The following LCLAT1 variants were observed in gnomAD, a reference collection of about 807,000 sequenced individuals.
LCLAT1 encodes the protein 1-AGP acyltransferase 8.
A neutral mutation model predicts 30.7 loss-of-function variants in LCLAT1; 11 were observed. The ratio of observed to expected loss-of-function variants is 0.36; its 90% CI spans 0.23 to 0.59. The LOEUF (loss-of-function observed/expected upper bound fraction) is 0.59. Among genes scored for constraint, LCLAT1 ranks in the 20% least tolerant of loss-of-function variants. The probability of loss-of-function intolerance (pLI) is 0.77; values close to 1 mark genes in which losing one functional copy is unlikely to be tolerated. For missense variants in LCLAT1, 402 were observed against 458.6 expected (o/e 0.88, Z 1.13); for synonymous variants, 155 against 151.3 (o/e 1.02, Z -0.18).
Position 30,640,835 on chromosome 2 carries a change from G to C in LCLAT1, c.*216G>C. ...TTCGATACTGTGTACATAGCAGGGA[G>C]TGATCGGGGTGAAATAACTTGGGCC... On this transcript the variant is annotated 3_prime_UTR_variant, in exon 6 of 6. Coordinates refer to ENST00000379509, the MANE Select transcript of LCLAT1 (RefSeq NM_001002257.3). The C allele has an allele frequency of 2.0e-6, 1 of 499,538 alleles. No individual in the cohort carries two copies. Among genetic ancestry groups the C allele is most frequent in the Non-Finnish European group, 3.4e-6 (1 of 290,392 alleles). 30.9% of individuals were successfully genotyped at this position (499,538 alleles called of 1,614,324 possible). A position where few individuals can be genotyped will look rare whatever the true frequency, so the allele number is the denominator to read the frequency against.
chr2:30,576,118 G>A (rs1448923598), intron 5 of LCLAT1, among the ~76,000 whole-genome samples: 1 of 152,038 alleles, frequency 6.6e-6, no homozygotes, highest in African/African-American at 2.4e-5. Flanking sequence ...CTAAATATTG[G>A]TGCCCTGTAT....
chr2:30,547,680 C>T (rs1664487725), intron 3 of LCLAT1, among the ~76,000 whole-genome samples: 1 of 151,876 alleles, frequency 6.6e-6, no homozygotes, highest in Non-Finnish European at 1.5e-5. Flanking sequence ...CAGGCATTCC[C>T]TCAAAGAGGG....
Position 30,562,207 on chromosome 2 carries a change from C to G in LCLAT1, c.426C>G (p.Ser142Arg). ...ATAGGAAATGGAAGGATGACAAGAG[C>G]CATTTCGAAGACATGATTGATTACT... ...FIHRKWKDDK[S>R]HFEDMIDYFC... Residue 142 changes from serine to arginine, a missense_variant, in exon 4 of 6, where the codon AGC becomes AGG. Transcript: ENST00000379509. The G allele has an allele frequency of 6.2e-7, 1 of 1,613,056 alleles. No individual in the cohort carries two copies. Among genetic ancestry groups the G allele is most frequent in the South Asian group, 1.1e-5 (1 of 90,974 alleles).
intron 5 of LCLAT1, among the ~76,000 whole-genome samples, chr2:30,579,531 T>C (rs1666126448): frequency 6.6e-6 from 1 of 152,068 alleles, no homozygotes; most frequent in South Asian, 2.1e-4. Flanking sequence ...AGCATACAAG[T>C]GCAGAGTAGA....
At chr2:30,593,218 A>G (rs971869706) in intron 5 of LCLAT1, among the ~76,000 whole-genome samples, 6 of 152,192 alleles carry the variant, frequency 3.9e-5, no homozygotes, top group African/African-American at 1.4e-4. Flanking sequence ...AGTTCCATCT[A>G]TGTTGCTGCA....
At chr2:30,630,346 T>C (rs1668711364) in intron 5 of LCLAT1, among the ~76,000 whole-genome samples, 1 of 152,328 alleles carries the variant, frequency 6.6e-6, no homozygotes, top group South Asian at 2.1e-4. Flanking sequence ...CAATTGTCTA[T>C]AACAATATCC....
At chr2:30,455,954 C>T (rs964831151) in intron 1 of LCLAT1, among the ~76,000 whole-genome samples, 4 of 149,154 alleles carry the variant, frequency 2.7e-5, no homozygotes, top group East Asian at 2.0e-4. Flanking sequence ...GTGCTCCCTA[C>T]GCTTCTGTTT....
rs35889899 is a variant in LCLAT1 at position 30,593,922 on chromosome 2, CA to C, written c.628+25762del. Among the ~76,000 whole-genome samples the C allele has an allele frequency of 7.3e-3, 985 of 134,802 alleles. 6 individuals carry two copies. Among genetic ancestry groups the C allele is most frequent in the Middle Eastern group, 0.02 (5 of 252 alleles). 88.4% of individuals were successfully genotyped at this position (134,802 alleles called of 152,430 possible). The stretch of plus-strand genomic sequence containing the variant: ...CGAGCAACAGAGAGAGATCCTGTCT[CA>C]AAAAAAAAAAAAAAAGACATGTAAA... On this transcript the variant is annotated intron_variant, in intron 5 of 5. Coordinates refer to ENST00000379509, the MANE Select transcript of LCLAT1 (RefSeq NM_001002257.3).
At chr2:30,581,618 G>A (rs188238544) in intron 5 of LCLAT1, among the ~76,000 whole-genome samples, 1 of 152,308 alleles carries the variant, frequency 6.6e-6, no homozygotes, top group African/African-American at 2.4e-5. Flanking sequence ...CAACATGGAT[G>A]ACCCTGGAGC....
At chr2:30,481,497 G>T (rs1271315294) in intron 1 of LCLAT1, among the ~76,000 whole-genome samples, 4 of 152,074 alleles carry the variant, frequency 2.6e-5, no homozygotes, top group Non-Finnish European at 4.4e-5. Context: ...TAGGAGAGAA[G>T]GATCACCGAT....
At chr2:30,605,472 ATTG>A (rs1162248167) in intron 5 of LCLAT1, among the ~76,000 whole-genome samples, 3 of 152,286 alleles carry the variant, frequency 2.0e-5, no homozygotes, top group South Asian at 4.1e-4. Context: ...CAATTTACAT[ATTG>A]TTTTTAGTTT....
At chr2:30,565,803 G>C (rs931034677) in intron 4 of LCLAT1, among the ~76,000 whole-genome samples, 1 of 152,162 alleles carries the variant, frequency 6.6e-6, no homozygotes, top group African/African-American at 2.4e-5. Context: ...GTCATAGAAG[G>C]GGTGTAGGGT....
chr2:30,462,090 C>T (rs991937373), intron 1 of LCLAT1, among the ~76,000 whole-genome samples: 3 of 152,136 alleles, frequency 2.0e-5, no homozygotes, highest in Non-Finnish European at 2.9e-5. Flanking sequence ...ACTTTTATCA[C>T]ATCATTTTTG....
intron 3 of LCLAT1, among the ~76,000 whole-genome samples, chr2:30,556,742 CTTTTT>C (rs35188565): frequency 1.4e-4 from 16 of 114,816 alleles, no homozygotes; most frequent in Admixed American, 2.7e-4. Context: ...TTTAGAAAGT[CTTTTT>C]TTTTTTTTTT....
At chr2:30,516,462 T>C (rs1338530213) in intron 1 of LCLAT1, among the ~76,000 whole-genome samples, 1 of 152,194 alleles carries the variant, frequency 6.6e-6, no homozygotes, top group Non-Finnish European at 1.5e-5. Context: ...CTTGCCATTG[T>C]TTCTGCGCGG....
At chr2:30,459,600 G>C in intron 1 of LCLAT1, 1 of 1,574,856 alleles carries the variant, frequency 6.3e-7, no homozygotes, top group South Asian at 1.1e-5. Context: ...GCAACAAATG[G>C]ATGATGTGAT....
intron 5 of LCLAT1, among the ~76,000 whole-genome samples, chr2:30,635,428 C>A (rs1668976795): frequency 6.6e-6 from 1 of 152,024 alleles, no homozygotes; most frequent in African/African-American, 2.4e-5. Flanking sequence ...TGTAAGCTGT[C>A]TTTCTTCTCT....
intron 5 of LCLAT1, among the ~76,000 whole-genome samples, chr2:30,610,062 A>T (rs535851876): frequency 6.6e-6 from 1 of 152,144 alleles, no homozygotes; most frequent in African/African-American, 2.4e-5. Flanking sequence ...CAGTTTCTAC[A>T]TGTACAAATT....
intron 5 of LCLAT1, among the ~76,000 whole-genome samples, chr2:30,636,841 G>T (rs1462949289): frequency 3.3e-5 from 5 of 152,178 alleles, no homozygotes; most frequent in Non-Finnish European, 7.3e-5. Flanking sequence ...CCATGTGAAT[G>T]AGCTGTTCCT....
Sources: gnomAD v4.1 joint callset for allele counts (sites outside exome capture counted in the v4.1 genomes callset) on GRCh38, gnomAD v4.1.1 for gene constraint, MANE v1.5 for transcripts, NCBI Gene and HGNC (gene_info 2026-07-23, HGNC 2026-07-21) for gene names.